Variants in PLA2R1 observed in about 807,000 individuals in gnomAD.
PLA2R1 encodes phospholipase A2 receptor 1.
In PLA2R1, 158 loss-of-function variants were observed where a neutral mutation model predicts 195.9. That is an observed-to-expected ratio of 0.81 (90% CI 0.71 to 0.92). The LOEUF (loss-of-function observed/expected upper bound fraction) is 0.92, where lower values mean the gene tolerates loss of function less well. Ranked by LOEUF, PLA2R1 falls within the 40% of genes least tolerant of loss-of-function variation. PLA2R1 has a pLI of 0.00. For missense variants in PLA2R1, 1,626 were observed against 1,764.6 expected, an observed-to-expected ratio of 0.92 and a Z score of 1.41; for synonymous variants, 586 against 598.2, an observed-to-expected ratio of 0.98 and a Z score of 0.30.
intron 17 of PLA2R1, among the ~76,000 whole-genome samples, chr2:159,974,485 T>G (rs1689404158): frequency 6.6e-6 from 1 of 152,168 alleles, no homozygotes; most frequent in Non-Finnish European, 1.5e-5. Flanking sequence ...CAGCTCTTTT[T>G]GGGTTGTATA....
intron 4 of PLA2R1, among the ~76,000 whole-genome samples, chr2:160,032,047 G>A (rs184516601): frequency 1.1e-4 from 16 of 152,330 alleles, no homozygotes; most frequent in East Asian, 9.6e-4. Flanking sequence ...GATTACTGGC[G>A]TGAGCCACTG....
chr2:159,967,533 G>C lies in PLA2R1; in HGVS notation c.2904+6C>G, dbSNP rs1370314252. On this transcript the variant is annotated splice_donor_region_variant and intron_variant, in intron 20 of 29. Coordinates refer to ENST00000283243, the MANE Select transcript of PLA2R1 (RefSeq NM_007366.5). ...AACAAAGGCAACTTTTGAAAAACAA[G>C]CTTACCTTATAGTTAAAATATAGCC... is the stretch of plus-strand genomic sequence containing the variant. The C allele has an allele frequency of 6.2e-7, 1 of 1,610,414 alleles. No homozygotes were observed. Among genetic ancestry groups the C allele is most frequent in the Admixed American group, 1.7e-5 (1 of 59,584 alleles).
chr2:159,960,151 T>G (rs2105187329), intron 20 of PLA2R1, among the ~76,000 whole-genome samples: 1 of 152,302 alleles, frequency 6.6e-6, no homozygotes, highest in South Asian at 2.1e-4. Flanking sequence ...TTTCCTTTAG[T>G]TTCTTAAATG....
intron 12 of PLA2R1, 74 bp downstream of exon 12, chr2:159,987,082 G>C: frequency 1.7e-6 from 2 of 1,197,788 alleles, no homozygotes; most frequent in South Asian, 2.5e-5. Flanking sequence ...CCGGAATAAA[G>C]GAATTTGGGA....
rs1040735071 is a variant in PLA2R1, at chr2:159,949,722, T to C, written c.3595A>G (p.Lys1199Glu). 3 of 1,613,686 alleles carry C rather than the reference T, an allele frequency of 1.9e-6. No homozygotes were observed. Among genetic ancestry groups the C allele is most frequent in the Non-Finnish European group, 2.5e-6 (3 of 1,179,748 alleles). Residue 1199 changes from lysine to glutamate, a missense_variant, in exon 25 of 30, where the codon AAA becomes GAA. Transcript: ENST00000283243. ...DGTKSSFTFW[K>E]DEESSLLGDC... ...CCAAGGAGGGAGGACTCCTCATCTT[T>C]CCAAAAAGTGAAAGAAGATTTGGTG...
chr2:160,014,058 T>C (rs1648506816), intron 9 of PLA2R1, among the ~76,000 whole-genome samples: 1 of 152,056 alleles, frequency 6.6e-6, no homozygotes, highest in Non-Finnish European at 1.5e-5. Context: ...AACTTTCATA[T>C]TGATTATTTC....
intron 9 of PLA2R1, among the ~76,000 whole-genome samples, chr2:160,014,789 C>T (rs946798361): frequency 6.6e-6 from 1 of 152,090 alleles, no homozygotes; most frequent in Non-Finnish European, 1.5e-5. Context: ...GAACTCACTC[C>T]CCTTCACTTC....
At chr2:160,002,179 T>A (rs1256124036) in intron 11 of PLA2R1, among the ~76,000 whole-genome samples, 4 of 151,516 alleles carry the variant, frequency 2.6e-5, no homozygotes, top group Non-Finnish European at 5.9e-5. Context: ...TTTGGGAAAT[T>A]AAAAAAAATC....
intron 9 of PLA2R1, among the ~76,000 whole-genome samples, chr2:160,016,225 C>T (rs1692736679): frequency 7.0e-6 from 1 of 143,018 alleles, no homozygotes; most frequent in South Asian, 2.2e-4. Context: ...GACTGTGCCA[C>T]TGCACTCCAG....
intron 20 of PLA2R1, among the ~76,000 whole-genome samples, chr2:159,966,862 A>G (rs1688822941): frequency 6.6e-6 from 1 of 152,228 alleles, no homozygotes; most frequent in African/African-American, 2.4e-5. Context: ...ATTATAAAAT[A>G]TGAAGAGTGG....
chr2:159,970,096 G>A, intron 18 of PLA2R1, 52 bp downstream of exon 18: 1 of 1,162,624 alleles, frequency 8.6e-7, no homozygotes, highest in Non-Finnish European at 1.3e-6. Flanking sequence ...TAATCATTCT[G>A]CAAATAAAAC....
chr2:160,018,284 A>G (rs1451437276), intron 8 of PLA2R1, among the ~76,000 whole-genome samples: 2 of 152,198 alleles, frequency 1.3e-5, no homozygotes, highest in African/African-American at 2.4e-5. Flanking sequence ...ATGCCTGTCA[A>G]TAAGAAATGA....
rs1332162231 is a variant in PLA2R1, at chr2:159,951,349, G to T, written c.3531C>A (p.Phe1177Leu). The change falls in exon 24 of 30, where the codon TTC becomes TTA. Residue 1177 changes from phenylalanine to leucine, a missense_variant. By Grantham distance (22) the Phe-to-Leu change is conservative (BLOSUM62 0). Coordinates refer to ENST00000283243, the MANE Select transcript of PLA2R1 (RefSeq NM_007366.5). ...GAGTTAGGATACCTACATCTGTGGT[G>T]AACAGTCCAATCCAGTGGGCATATC... The part of the protein sequence containing the change: ...RLGYAHWIGL[F>L]TTDNGLNFDW... 1 of 1,588,674 alleles carries T rather than the reference G, an allele frequency of 6.3e-7. No homozygotes were observed. Among genetic ancestry groups the T allele is most frequent in the South Asian group, 1.1e-5 (1 of 90,506 alleles).
At chr2:160,007,414 C>T (rs1235115552) in intron 10 of PLA2R1, among the ~76,000 whole-genome samples, 1 of 152,156 alleles carries the variant, frequency 6.6e-6, no homozygotes, top group Non-Finnish European at 1.5e-5. Flanking sequence ...TTCCCAAGAC[C>T]ACCCTGGCTT....
rs1185998508 is a variant in PLA2R1, at chr2:159,936,701, T to C, written c.*5077A>G. 6.6e-6 allele frequency: 1 copy of C among 152,220 alleles called. No homozygotes were observed. Among genetic ancestry groups the C allele is most frequent in the Non-Finnish European group, 1.5e-5 (1 of 68,034 alleles). The allele number at this position is 152,220 out of a possible 1,614,324, so 9.4% of individuals were successfully genotyped here. A position where few individuals can be genotyped will look rare whatever the true frequency, so the allele number is the denominator to read the frequency against. The stretch of plus-strand genomic sequence containing the variant: ...CGCGAGTGGAAGTGCCACGTGTTTC[T>C]TCCTAAACCTGGGAACTTAACAGTT... On this transcript the variant is annotated 3_prime_UTR_variant, in exon 30 of 30. Transcript: ENST00000283243.
In PLA2R1 at chr2:159,934,220, T is replaced by C. The variant is rs181827254; in HGVS notation, c.*7558A>G. 1 of 152,358 alleles carries C rather than the reference T, an allele frequency of 6.6e-6. No individual in the cohort carries two copies. The highest frequency in any genetic ancestry group is 1.9e-4 in the East Asian group (1 of 5,192). 9.4% of individuals were successfully genotyped at this position (152,358 alleles called of 1,614,324 possible). A position where few individuals can be genotyped will look rare whatever the true frequency, so the allele number is the denominator to read the frequency against. The stretch of plus-strand genomic sequence containing the variant: ...AAACTAAGTGAGTTTTTCCCTGCTG[T>C]ACCCTATTAATACTAAGGCACGAGG... On this transcript the variant is annotated 3_prime_UTR_variant, in exon 30 of 30. Transcript: ENST00000283243.
intron 14 of PLA2R1, among the ~76,000 whole-genome samples, chr2:159,978,264 T>C (rs551233734): frequency 1.3e-5 from 2 of 152,264 alleles, no homozygotes; most frequent in African/African-American, 4.8e-5. Context: ...TATTAAAGAA[T>C]CAACCTTCTC....
At chr2:159,954,224 C>T (rs1215968033) in intron 23 of PLA2R1, among the ~76,000 whole-genome samples, 1 of 152,072 alleles carries the variant, frequency 6.6e-6, no homozygotes, top group Non-Finnish European at 1.5e-5. Context: ...GATTTTGTGG[C>T]ATACCGCGCA....
chr2:160,048,266 T>C (rs1695006408), intron 1 of PLA2R1, among the ~76,000 whole-genome samples: 2 of 152,368 alleles, frequency 1.3e-5, no homozygotes, highest in East Asian at 3.8e-4. Context: ...ACCTAATCCA[T>C]TGCTGCTTAA....
Sources: allele counts gnomAD v4.1 joint callset (sites outside exome capture counted in the v4.1 genomes callset), GRCh38; gene constraint gnomAD v4.1.1; transcripts MANE v1.5; gene names NCBI Gene and HGNC (gene_info 2026-07-23, HGNC 2026-07-21).